The following C2CD3 variants were observed in gnomAD, a reference collection of about 807,000 sequenced individuals.
The protein encoded by C2CD3 is C2 domain-containing protein 3.
Under a neutral mutation model 234.0 loss-of-function variants are expected in C2CD3, and 148 were observed. That is an observed-to-expected ratio of 0.63 (90% CI 0.55 to 0.72). The LOEUF is 0.72. Ranked by LOEUF, C2CD3 falls within the 30% of genes least tolerant of loss-of-function variation. The pLI, the probability that C2CD3 is intolerant of heterozygous loss-of-function variation, is 0.00. For missense variants in C2CD3, 2,577 were observed against 2,811.5 expected (o/e 0.92, Z 1.89); for synonymous variants, 1,000 against 1,035.4 (o/e 0.97, Z 0.66).
chr11:74,109,280 T>G, intron 11 of C2CD3, 128 bp from the exon 12 acceptor site: 1 of 606,326 alleles, frequency 1.6e-6, no homozygotes, highest in Non-Finnish European at 2.9e-6. Flanking sequence ...CGAGTCAGTG[T>G]GCTTTCACAG....
intron 24 of C2CD3, among the ~76,000 whole-genome samples, chr11:74,064,603 C>T (rs1367420174): frequency 2.6e-5 from 4 of 152,100 alleles, no homozygotes; most frequent in East Asian, 1.9e-4. Flanking sequence ...AAAAAGAGCC[C>T]GCATTGCCAA....
intron 28 of C2CD3, among the ~76,000 whole-genome samples, chr11:74,045,576 C>CT (rs1953327818): frequency 1.0e-5 from 1 of 98,602 alleles, no homozygotes; most frequent in African/African-American, 5.5e-5. Flanking sequence ...TTTTTTCTTT[C>CT]CTTTTTTTTT....
rs899394875 is a variant in C2CD3 at position 74,170,860 on chromosome 11, T to G, written c.-68A>C. 8 of 1,533,776 alleles carry G rather than the reference T, an allele frequency of 5.2e-6. No individual in the cohort carries two copies. In the African/African-American group the frequency reaches 8.3e-5, roughly 16 times the overall value. ...GCACCTAAGCAGTATCCTCCCGCCA[T>G]CCCTCCCCACGGCGCCTGCGTTCCC... On this transcript the variant is annotated 5_prime_UTR_variant, in exon 1 of 33. The change abolishes an upstream ATG in the 5' untranslated region. Coordinates refer to ENST00000334126, the MANE Select transcript of C2CD3 (RefSeq NM_001286577.2).
At chr11:74,107,091 G>A (rs1956552342) in intron 12 of C2CD3, among the ~76,000 whole-genome samples, 1 of 152,212 alleles carries the variant, frequency 6.6e-6, no homozygotes, top group African/African-American at 2.4e-5. Flanking sequence ...GGAGGCTGAG[G>A]CAGGCAGATC....
At chr11:74,152,795 C>T (rs958734088) in intron 3 of C2CD3, among the ~76,000 whole-genome samples, 5 of 152,142 alleles carry the variant, frequency 3.3e-5, no homozygotes, top group African/African-American at 7.2e-5. Flanking sequence ...TATCCTAACA[C>T]ATACAGGAAA....
chr11:74,129,614 C>G (rs1242020680), intron 7 of C2CD3: 59 of 168,584 alleles, frequency 3.5e-4, no homozygotes, highest in African/African-American at 1.7e-3. Flanking sequence ...CAGAGGGGAT[C>G]CTCACATCCC....
At position 74,074,519 on chromosome 11, in the gene C2CD3, G is replaced by C. The variant is rs543196540; in HGVS notation, c.4685C>G (p.Ser1562Cys). The C allele has an allele frequency of 6.2e-4, 1,001 of 1,614,184 alleles. 7 individuals carry two copies. In the South Asian group the frequency reaches 0.01, roughly 17 times the overall value. ...CTCATGAGTGGGCTCAAGGTGTGAG[G>C]AAAGAGAGGAAAGAACCACATGAAC... The part of the protein sequence containing the change: ...LRVHVVLSSL[S>C]SHLEPTHELD... The change falls in exon 24 of 33, where the codon TCC becomes TGC. Residue 1562 changes from serine (S) to cysteine (C), a missense_variant. Transcript: ENST00000334126.
chr11:74,139,089 G>T, intron 4 of C2CD3, 122 bp from the exon 5 acceptor site: 1 of 710,288 alleles, frequency 1.4e-6, no homozygotes, highest in East Asian at 2.6e-5. Context: ...CAAAAAGCGT[G>T]ACTTATTTGC....
intron 26 of C2CD3, among the ~76,000 whole-genome samples, chr11:74,050,364 G>A (rs1953617565): frequency 6.6e-6 from 1 of 152,202 alleles, no homozygotes; most frequent in African/African-American, 2.4e-5. Context: ...TCTCTACATG[G>A]TAAGGGGGCT....
chr11:74,158,805 C>T (rs895815666), intron 3 of C2CD3, among the ~76,000 whole-genome samples: 5 of 151,898 alleles, frequency 3.3e-5, no homozygotes, highest in Admixed American at 6.6e-5. Flanking sequence ...AATGAGATAT[C>T]GTCTCACTCC....
At chr11:74,082,355 T>A (rs2135471060) in intron 22 of C2CD3, among the ~76,000 whole-genome samples, 1 of 152,256 alleles carries the variant, frequency 6.6e-6, no homozygotes, top group African/African-American at 2.4e-5. Context: ...GACCTTGTGA[T>A]CCGCCCACCT....
chr11:74,026,869 G>A (rs1225974029), intron 32 of C2CD3, among the ~76,000 whole-genome samples: 2 of 151,146 alleles, frequency 1.3e-5, no homozygotes, highest in East Asian at 2.0e-4. Flanking sequence ...TACTTGGGAG[G>A]CTGAGGCAGG....
intron 31 of C2CD3, among the ~76,000 whole-genome samples, chr11:74,028,914 G>C (rs1270959971): frequency 6.6e-6 from 1 of 152,188 alleles, no homozygotes; most frequent in African/African-American, 2.4e-5. Context: ...GTGGCTCCAG[G>C]GGGCAGTGCC....
chr11:74,165,563 G>C lies in C2CD3; in HGVS notation c.325+2781C>G, dbSNP rs538698711. Among the ~76,000 whole-genome samples the C allele has an allele frequency of 1.5e-4, 23 of 152,250 alleles. No individual in the cohort carries two copies. The South Asian group carries it at 4.8e-3, about 32-fold the overall frequency. On this transcript the variant is annotated intron_variant, in intron 2 of 32. Transcript: ENST00000334126. ...TAATAATGCGAATACCTACCACACA[G>C]CTTAAGAAATAGCATACTTTTTCCA...
chr11:74,156,695 C>A (rs934925863), intron 3 of C2CD3, among the ~76,000 whole-genome samples: 1 of 152,150 alleles, frequency 6.6e-6, no homozygotes, highest in Admixed American at 6.5e-5. Flanking sequence ...TGTGGCCGGG[C>A]ACAGTGGCTC....
At chr11:74,131,570 G>A (rs932509851) in intron 7 of C2CD3, among the ~76,000 whole-genome samples, 2 of 150,402 alleles carry the variant, frequency 1.3e-5, no homozygotes, top group Non-Finnish European at 3.0e-5. Context: ...AAACTAATTG[G>A]AGGTTTTGTT....
chr11:74,081,967 A>T (rs1955392370), intron 22 of C2CD3, among the ~76,000 whole-genome samples: 1 of 152,148 alleles, frequency 6.6e-6, no homozygotes, highest in Non-Finnish European at 1.5e-5. Context: ...TCCTAATTGA[A>T]CATCCTTTAT....
chr11:74,054,575 G>A, intron 26 of C2CD3, 32 bp downstream of exon 26: 2 of 1,096,888 alleles, frequency 1.8e-6, no homozygotes, highest in South Asian at 1.4e-5. Flanking sequence ...ATTTTTACAA[G>A]CAAGCAGATA....
chr11:74,161,910 G>A (rs955242485), intron 2 of C2CD3, among the ~76,000 whole-genome samples: 1 of 151,020 alleles, frequency 6.6e-6, no homozygotes, highest in Non-Finnish European at 1.5e-5. Context: ...CGAACTCCAG[G>A]ACTCAAGTGA....
Sources: allele counts gnomAD v4.1 joint callset (sites outside exome capture counted in the v4.1 genomes callset), GRCh38; gene constraint gnomAD v4.1.1; transcripts MANE v1.5; gene names NCBI Gene and HGNC (gene_info 2026-07-23, HGNC 2026-07-21).